ZMYND8: variants seen among roughly 807,000 people sequenced by gnomAD.
The protein encoded by ZMYND8 is MYND-type zinc finger-containing chromatin reader ZMYND8.
In ZMYND8, 37 loss-of-function variants were observed where a neutral mutation model predicts 140.8. That is an observed-to-expected ratio of 0.26 (90% CI 0.20 to 0.35). ZMYND8 has a LOEUF of 0.35. Ranked by LOEUF, ZMYND8 falls within the 10% of genes least tolerant of loss-of-function variation. The pLI, the probability that ZMYND8 is intolerant of heterozygous loss-of-function variation, is 1.00. For synonymous variants in ZMYND8, 592 were observed against 597.1 expected (o/e 0.99, Z 0.12); for missense variants, 1,068 against 1,570.0 (o/e 0.68, Z 5.40).
At chr20:47,282,448 G>C (rs2076661898) in intron 9 of ZMYND8, among the ~76,000 whole-genome samples, 1 of 152,222 alleles carries the variant, frequency 6.6e-6, no homozygotes, top group South Asian at 2.1e-4. Context: ...ATGAAGTCCA[G>C]GCATGGTGGC....
intron 11 of ZMYND8, among the ~76,000 whole-genome samples, chr20:47,270,016 G>A (rs1451074166): frequency 6.6e-6 from 1 of 152,202 alleles, no homozygotes; most frequent in Non-Finnish European, 1.5e-5. Context: ...GGCTGAGGCA[G>A]GCAGATCGTT....
At chr20:47,214,577 T>G (rs936042745) in intron 21 of ZMYND8, among the ~76,000 whole-genome samples, 1 of 152,154 alleles carries the variant, frequency 6.6e-6, no homozygotes, top group Non-Finnish European at 1.5e-5. Flanking sequence ...CACTGTAACC[T>G]CCGCCTCCTG....
At chr20:47,341,432 C>A (rs2148537407) in intron 2 of ZMYND8, among the ~76,000 whole-genome samples, 1 of 148,546 alleles carries the variant, frequency 6.7e-6, no homozygotes, top group Admixed American at 6.9e-5. Flanking sequence ...AAGGCTGGGG[C>A]AGAAGAATTG....
At chr20:47,282,425 A>C (rs2076661144) in intron 9 of ZMYND8, among the ~76,000 whole-genome samples, 1 of 152,132 alleles carries the variant, frequency 6.6e-6, no homozygotes, top group African/African-American at 2.4e-5. Context: ...TAAATGGTGA[A>C]ATCAAAAGCT....
intron 21 of ZMYND8, among the ~76,000 whole-genome samples, chr20:47,214,313 C>A (rs944660999): frequency 6.6e-6 from 1 of 152,194 alleles, no homozygotes; most frequent in African/African-American, 2.4e-5. Context: ...AGAAGACTGA[C>A]GGCTGCATTC....
intron 14 of ZMYND8, among the ~76,000 whole-genome samples, chr20:47,244,037 C>T (rs182469207): frequency 6.6e-6 from 1 of 152,350 alleles, no homozygotes; most frequent in East Asian, 1.9e-4. Context: ...CTCTCACAGA[C>T]ATTCTCTTTA....
chr20:47,220,293 G>A lies in ZMYND8; in HGVS notation c.3449C>T (p.Pro1150Leu), dbSNP rs759971842. The A allele has an allele frequency of 3.2e-6, 5 of 1,564,962 alleles. No individual in the cohort carries two copies. The Admixed American group carries it at 9.3e-5, about 29-fold the overall frequency. The change falls in exon 21 of 23, where the codon CCC becomes CTC. Residue 1150 changes from proline to leucine, a missense_variant. By Grantham distance (98) the Pro-to-Leu change is moderately conservative (BLOSUM62 -3). Around this residue, in one of 10 missense-constraint regions of ZMYND8, gnomAD observed 180 missense variants for 187.8 expected, o/e 0.96. Transcript: ENST00000471951. The part of the protein sequence containing the change: ...TLDLSGSRET[P>L]SSILLGSNQG... Reference sequence around the variant, plus strand: ...GTTGGAGCCTAAGAGAATGGAGGAGGGCGTCTCTCTGGAGCCAGAAAGGTC... The same window carrying A: ...GTTGGAGCCTAAGAGAATGGAGGAGAGCGTCTCTCTGGAGCCAGAAAGGTC...
chr20:47,220,332 TACAAAA>T lies in ZMYND8; in HGVS notation c.3418-14_3418-9del. On this transcript the variant is annotated splice_polypyrimidine_tract_variant and intron_variant, in intron 20 of 22. Coordinates refer to ENST00000471951, the MANE Select transcript of ZMYND8 (RefSeq NM_001281775.3). ...GCCAGAAAGGTCAAGGGTCTAGAAA[TACAAAA>T]AGAAAAAGATGGACTCAAGGCACTG... 1 of 1,554,330 alleles carries T rather than the reference TACAAAA, an allele frequency of 6.4e-7. No individual in the cohort carries two copies. The highest frequency in any genetic ancestry group is 8.7e-7 in the Non-Finnish European group (1 of 1,148,172).
At chr20:47,249,259 G>GAA (rs147386021) in intron 13 of ZMYND8, 28 bp downstream of exon 13, 17 of 1,383,998 alleles carry the variant, frequency 1.2e-5, no homozygotes, top group Middle Eastern at 1.9e-4. Context: ...GATACTGCTG[G>GAA]AAAAAAAAAA....
At chr20:47,332,087 C>T (rs992814262) in intron 2 of ZMYND8, among the ~76,000 whole-genome samples, 2 of 151,788 alleles carry the variant, frequency 1.3e-5, no homozygotes, top group Admixed American at 6.6e-5. Context: ...CTGAGGCAGG[C>T]GGATCACGAG....
intron 15 of ZMYND8, chr20:47,238,553 A>C (rs997441939): frequency 1.1e-6 from 1 of 929,452 alleles, no homozygotes; most frequent in African/African-American, 1.7e-5. Context: ...TAAAATGAAC[A>C]AAAAAAACTT....
At chr20:47,275,891 G>A (rs1300905180) in intron 11 of ZMYND8, among the ~76,000 whole-genome samples, 1 of 152,182 alleles carries the variant, frequency 6.6e-6, no homozygotes, top group Non-Finnish European at 1.5e-5. Context: ...CTACAGGCAT[G>A]AGCCACGGCG....
At chr20:47,313,234 A>T (rs979892018) in intron 2 of ZMYND8, among the ~76,000 whole-genome samples, 2 of 151,840 alleles carry the variant, frequency 1.3e-5, no homozygotes, top group African/African-American at 4.8e-5. Context: ...AAAAAAAAAA[A>T]AAAAAATTTA....
intron 3 of ZMYND8, among the ~76,000 whole-genome samples, chr20:47,306,364 G>A (rs1231967526): frequency 6.6e-6 from 1 of 152,084 alleles, no homozygotes; most frequent in Non-Finnish European, 1.5e-5. Flanking sequence ...GTTGCAGTAA[G>A]CTGTGATCAT....
intron 16 of ZMYND8, among the ~76,000 whole-genome samples, chr20:47,231,213 A>C (rs1350097132): frequency 1.3e-5 from 2 of 152,184 alleles, no homozygotes; most frequent in Non-Finnish European, 2.9e-5. Context: ...CCCACCTGCC[A>C]GCTGACTCTT....
intron 22 of ZMYND8, 81 bp from the exon 23 acceptor site, chr20:47,210,978 C>A (rs2035162126): frequency 3.2e-6 from 5 of 1,549,896 alleles, no homozygotes; most frequent in Non-Finnish European, 3.5e-6. Context: ...ACCTGCCCCT[C>A]CTGCACAGGA....
At chr20:47,234,909 G>C (rs1450084591) in intron 16 of ZMYND8, among the ~76,000 whole-genome samples, 2 of 152,120 alleles carry the variant, frequency 1.3e-5, no homozygotes, top group Non-Finnish European at 2.9e-5. Flanking sequence ...GGAGGACTAG[G>C]CAGGAAGATC....
chr20:47,298,294 G>T lies in ZMYND8; in HGVS notation c.453+435C>A. 1.0e-6 allele frequency: 1 copy of T among 985,358 alleles called. No individual in the cohort carries two copies. Among genetic ancestry groups the T allele is most frequent in the Non-Finnish European group, 1.2e-6 (1 of 829,930 alleles). The allele number at this position is 985,358 out of a possible 1,614,324, so 61.0% of individuals were successfully genotyped here. A position where few individuals can be genotyped will look rare whatever the true frequency, so the allele number is the denominator to read the frequency against. On this transcript the variant is annotated intron_variant, in intron 4 of 22. Coordinates refer to ENST00000471951, the MANE Select transcript of ZMYND8 (RefSeq NM_001281775.3). The surrounding 1 kb of genome is among the most constrained non-coding windows in gnomAD (Gnocchi z 5.0). ...AAGAAAGCACCAGACGGCCACTACA[G>T]GGAACATGCAACCAAACGTGGTCTT...
intron 18 of ZMYND8, among the ~76,000 whole-genome samples, chr20:47,226,797 C>G (rs1001932594): frequency 1.3e-5 from 2 of 152,108 alleles, no homozygotes; most frequent in East Asian, 3.9e-4. Context: ...GAAGCTGGGA[C>G]CACAGGAGCG....
Sources: gnomAD v4.1 joint callset for allele counts (sites outside exome capture counted in the v4.1 genomes callset) on GRCh38, gnomAD v4.1.1 for gene constraint, gnomAD v4.1.1 regional missense constraint, Gnocchi (gnomAD v3.1) non-coding constraint, MANE v1.5 for transcripts, NCBI Gene and HGNC (gene_info 2026-07-23, HGNC 2026-07-21) for gene names.